The following PRIM2 variants were observed in gnomAD, a reference collection of about 807,000 sequenced individuals.
PRIM2 encodes the protein DNA primase subunit 2.
Under a neutral mutation model 67.3 loss-of-function variants are expected in PRIM2, and 39 were observed. That is an observed-to-expected ratio of 0.58 (90% CI 0.45 to 0.76). PRIM2 has a LOEUF of 0.76. PRIM2 is among the 30% of genes least tolerant of loss of function. The pLI is 0.00. For synonymous variants in PRIM2, 143 were observed against 198.7 expected (o/e 0.72, Z 2.36); for missense variants, 398 against 598.7 (o/e 0.66, Z 3.50).
At chr6:57,567,909 T>C (rs1183116890) in intron 10 of PRIM2, among the ~76,000 whole-genome samples, 5 of 152,226 alleles carry the variant, frequency 3.3e-5, no homozygotes, top group Non-Finnish European at 7.4e-5. Flanking sequence ...TTCTGCATTA[T>C]GTTTTCATAG....
At chr6:57,488,166 C>G (rs1348119783) in intron 7 of PRIM2, among the ~76,000 whole-genome samples, 65 of 152,138 alleles carry the variant, frequency 4.3e-4, no homozygotes, top group Admixed American at 4.3e-3. Flanking sequence ...ATTCCCCTTT[C>G]AGTTTTATTT....
intron 7 of PRIM2, among the ~76,000 whole-genome samples, chr6:57,402,400 G>A (rs927279225): frequency 5.9e-5 from 9 of 152,162 alleles, no homozygotes; most frequent in African/African-American, 1.7e-4. Context: ...CATAACCCTG[G>A]TCCTCAAGAA....
At chr6:57,438,258 T>C (rs62401712) in intron 7 of PRIM2, among the ~76,000 whole-genome samples, 2 of 152,230 alleles carry the variant, frequency 1.3e-5, no homozygotes, top group Non-Finnish European at 2.9e-5. Context: ...CAACAATGTT[T>C]AGCTTTACAA....
intron 10 of PRIM2, among the ~76,000 whole-genome samples, chr6:57,585,517 T>G (rs1275796319): frequency 6.6e-6 from 1 of 151,386 alleles, no homozygotes; most frequent in Admixed American, 6.6e-5. Context: ...ACTTAAGGAG[T>G]GGGGAGATTG....
In PRIM2 at chr6:57,646,216, T is replaced by G; in HGVS notation, c.*58T>G. ...GTTTCCTGTTTTTAAGATTTTGCCT[T>G]TGTTGTTGAAAAAGGGTTTCACTCT... On this transcript the variant is annotated 3_prime_UTR_variant, in exon 14 of 14. Coordinates refer to ENST00000615550, the MANE Select transcript of PRIM2 (RefSeq NM_000947.5). The G allele has an allele frequency of 9.6e-7, 1 of 1,045,612 alleles. No homozygotes were observed. The highest frequency in any genetic ancestry group is 1.4e-6 in the Non-Finnish European group (1 of 692,626). 64.8% of individuals were successfully genotyped at this position (1,045,612 alleles called of 1,614,324 possible).
the PRIM2 span, among the ~76,000 whole-genome samples, chr6:57,278,556 T>C: frequency 2.0e-5 from 3 of 152,256 alleles, no homozygotes; most frequent in Non-Finnish European, 2.9e-5. Flanking sequence ...TTTACAACTT[T>C]AATGTTTTGA....
chr6:57,533,368 A>C (rs1365807755), intron 9 of PRIM2, among the ~76,000 whole-genome samples: 38 of 152,368 alleles, frequency 2.5e-4, no homozygotes, highest in East Asian at 1.3e-3. Context: ...TTAAAAATAC[A>C]CAGGGATTTT....
Position 57,495,694 on chromosome 6 carries a change from T to C in PRIM2, c.694-11693T>C, listed in dbSNP as rs1305061573. 6.3e-3 allele frequency among the ~76,000 whole-genome samples: 962 copies of C among 152,312 alleles called. 6 individuals carry two copies. The highest frequency in any genetic ancestry group is 9.8e-3 in the Non-Finnish European group (669 of 68,016). On this transcript the variant is annotated intron_variant, in intron 7 of 13. Transcript: ENST00000615550. Reference sequence around the variant, plus strand: ...CAGATTACTGTTACTGAGGCATTAGTAATAATCTTGTCCACCTCCTACACT... The same window carrying C: ...CAGATTACTGTTACTGAGGCATTAGCAATAATCTTGTCCACCTCCTACACT...
chr6:57,325,986 A>G lies in PRIM2; in HGVS notation c.400A>G (p.Ile134Val), dbSNP rs552153212. 1 of 1,612,828 alleles carries G rather than the reference A, an allele frequency of 6.2e-7. No individual in the cohort carries two copies. Among genetic ancestry groups the G allele is most frequent in the South Asian group, 1.1e-5 (1 of 90,910 alleles). Residue 134 changes from isoleucine (I) to valine (V), a missense_variant, in exon 5 of 14, where the codon ATT (isoleucine) becomes GTT (valine). By Grantham distance (29) the Ile-to-Val change is conservative. This residue lies in a region of PRIM2 where 229 missense variants were observed against 383.6 expected (regional missense o/e 0.60). Coordinates refer to ENST00000615550, the MANE Select transcript of PRIM2 (RefSeq NM_000947.5). The stretch of plus-strand genomic sequence containing the variant: ...GGATCTCCTTCGATTTAGATTTAGT[A>G]TTTTACCCAAGGATAAAATTCAGGA... ...EMDLLRFRFS[I>V]LPKDKIQDFL...
the PRIM2 span, among the ~76,000 whole-genome samples, chr6:57,274,356 G>C: frequency 2.0e-5 from 3 of 152,332 alleles, no homozygotes; most frequent in African/African-American, 7.2e-5. Context: ...CCTCCCTGCG[G>C]CCTTGCAGTT....
At chr6:57,327,722 T>G (rs567163259) in intron 5 of PRIM2, among the ~76,000 whole-genome samples, 26 of 152,346 alleles carry the variant, frequency 1.7e-4, no homozygotes, top group Non-Finnish European at 3.2e-4. Flanking sequence ...TAGTTTATTT[T>G]TTGCTTTTGT....
the PRIM2 span, among the ~76,000 whole-genome samples, chr6:57,303,975 T>C: frequency 5.7e-4 from 87 of 152,282 alleles, no homozygotes; most frequent in South Asian, 0.013. Flanking sequence ...AACATCCAAA[T>C]TGAAAGCAAT....
At chr6:57,436,474 C>T (rs1239638986) in intron 7 of PRIM2, among the ~76,000 whole-genome samples, 1 of 152,140 alleles carries the variant, frequency 6.6e-6, no homozygotes, top group Non-Finnish European at 1.5e-5. Flanking sequence ...ATTTTAGTCA[C>T]AAACCTTATA....
intron 5 of PRIM2, among the ~76,000 whole-genome samples, chr6:57,333,489 C>A (rs1415601344): frequency 1.3e-5 from 2 of 152,074 alleles, no homozygotes; most frequent in East Asian, 3.8e-4. Flanking sequence ...ATGTCTGCAC[C>A]TTTTTTCACT....
intron 10 of PRIM2, among the ~76,000 whole-genome samples, chr6:57,540,020 C>A (rs1775114414): frequency 6.6e-6 from 1 of 151,460 alleles, no homozygotes; most frequent in Non-Finnish European, 1.5e-5. Flanking sequence ...GGAAACTACA[C>A]ATAATTTTAA....
intron 5 of PRIM2, among the ~76,000 whole-genome samples, chr6:57,334,762 G>A (rs1768165849): frequency 6.6e-6 from 1 of 152,162 alleles, no homozygotes; most frequent in Admixed American, 6.5e-5. Flanking sequence ...ATATATGCTG[G>A]GTAGTAATAT....
intron 5 of PRIM2, among the ~76,000 whole-genome samples, chr6:57,378,093 C>T (rs1769832139): frequency 2.1e-5 from 3 of 144,886 alleles, no homozygotes; most frequent in South Asian, 2.1e-4. Context: ...TAATGGTTTG[C>T]TGTGTCACCC....
chr6:57,528,077 C>T (rs1774799291), intron 8 of PRIM2, among the ~76,000 whole-genome samples: 1 of 152,044 alleles, frequency 6.6e-6, no homozygotes, highest in Admixed American at 6.6e-5. Context: ...AATCCTCCCA[C>T]CTCAGCCTCC....
At chr6:57,319,258 C>T (rs374558825) in intron 2 of PRIM2, among the ~76,000 whole-genome samples, 6 of 152,168 alleles carry the variant, frequency 3.9e-5, no homozygotes, top group East Asian at 1.9e-4. Flanking sequence ...ATGTGGCCAC[C>T]GTCCTGGGGG....
Sources: allele counts gnomAD v4.1 joint callset (sites outside exome capture counted in the v4.1 genomes callset), GRCh38; gene constraint gnomAD v4.1.1; regional missense constraint gnomAD v4.1.1; transcripts MANE v1.5; gene names NCBI Gene and HGNC (gene_info 2026-07-23, HGNC 2026-07-21).